The following PPP6R3 variants were observed in gnomAD, a reference collection of about 807,000 sequenced individuals.
PPP6R3 encodes serine/threonine-protein phosphatase 6 regulatory subunit 3.
PPP6R3 carries 38 observed loss-of-function variants against 110.7 expected under a neutral mutation model. That is an observed-to-expected ratio of 0.34 (90% CI 0.26 to 0.45). The LOEUF is 0.45. PPP6R3 is among the 20% of genes least tolerant of loss of function. The pLI, the probability that PPP6R3 is intolerant of heterozygous loss-of-function variation, is 1.00. For missense variants in PPP6R3, 870 were observed against 1,062.4 expected (o/e 0.82, Z 2.52); for synonymous variants, 369 against 373.5 (o/e 0.99, Z 0.14).
intron 9 of PPP6R3, among the ~76,000 whole-genome samples, chr11:68,565,732 C>A (rs2282563): frequency 6.6e-6 from 1 of 151,688 alleles, no homozygotes; most frequent in Non-Finnish European, 1.5e-5. Flanking sequence ...TCTGTTACTC[C>A]GAGAACTGAG....
Position 68,613,625 on chromosome 11 carries a change from TCTAA to T in PPP6R3, c.*511_*514del, listed in dbSNP as rs1294352506. The T allele has an allele frequency of 6.1e-6, 6 of 985,728 alleles. No individual in the cohort carries two copies. The African/African-American group carries it at 1.0e-4, about 17-fold the overall frequency. The allele number at this position is 985,728 out of a possible 1,614,324, so 61.1% of individuals were successfully genotyped here. ...GCCCTCTAAGTGTTATTTTGGTTGT[TCTAA>T]CTTACAAAAGTGATTTTGAATAAGA... On this transcript the variant is annotated 3_prime_UTR_variant, in exon 24 of 24. Transcript: ENST00000393800.
rs928625045 is a variant in PPP6R3, at chr11:68,474,920, A to T, written c.-158+14093A>T. Among the ~76,000 whole-genome samples, 98 of 150,330 alleles carry T rather than the reference A, an allele frequency of 6.5e-4. 1 individual carries two copies. The highest frequency in any genetic ancestry group is 1.2e-3 in the Non-Finnish European group (81 of 67,528). On this transcript the variant is annotated intron_variant, in intron 1 of 23. Coordinates refer to ENST00000393800, the MANE Select transcript of PPP6R3 (RefSeq NM_001164161.2). ...TAACTTCCTTTTTTTTATTTTTTTT[A>T]TTTTTATTTTTTTCATTGATCATTC...
chr11:68,526,289 TC>T (rs942196586), intron 2 of PPP6R3, among the ~76,000 whole-genome samples: 5 of 152,000 alleles, frequency 3.3e-5, no homozygotes, highest in African/African-American at 1.2e-4. Flanking sequence ...AGGGTCTTAC[TC>T]TGTCAGCCAG....
intron 23 of PPP6R3, among the ~76,000 whole-genome samples, chr11:68,611,520 A>G (rs773174507): frequency 3.9e-5 from 6 of 152,332 alleles, no homozygotes; most frequent in Non-Finnish European, 7.3e-5. Flanking sequence ...GGGGTCAGCC[A>G]GTGGAAGAAG....
intron 10 of PPP6R3, 124 bp downstream of exon 10, chr11:68,567,290 T>C: frequency 9.3e-7 from 1 of 1,080,410 alleles, no homozygotes; most frequent in Non-Finnish European, 1.3e-6. Context: ...GCATAAATGG[T>C]GTTTTATGTA....
At chr11:68,577,688 A>G (rs1303896507) in intron 14 of PPP6R3, among the ~76,000 whole-genome samples, 2 of 152,146 alleles carry the variant, frequency 1.3e-5, no homozygotes, top group Non-Finnish European at 2.9e-5. Flanking sequence ...TTGTGTGTAA[A>G]TGTTACTACA....
chr11:68,599,873 C>T (rs2099625566), intron 19 of PPP6R3, among the ~76,000 whole-genome samples: 1 of 151,932 alleles, frequency 6.6e-6, no homozygotes, highest in East Asian at 1.9e-4. Context: ...CCTGTAATCC[C>T]AGCACTTTGG....
In PPP6R3 at chr11:68,569,730, G is replaced by C. The variant is rs746892087; in HGVS notation, c.1129-18G>C. The C allele has an allele frequency of 1.3e-6, 2 of 1,556,424 alleles. No homozygotes were observed. Among genetic ancestry groups the C allele is most frequent in the South Asian group, 1.2e-5 (1 of 83,736 alleles). On this transcript the variant is annotated intron_variant, in intron 10 of 23. Coordinates refer to ENST00000393800, the MANE Select transcript of PPP6R3 (RefSeq NM_001164161.2). Reference sequence around the variant, plus strand: ...ACATTGAGGTAACCGAATAAAACATGGTTTTTCTTTTTTGTAGAACATGTT... The same window carrying C: ...ACATTGAGGTAACCGAATAAAACATCGTTTTTCTTTTTTGTAGAACATGTT...
intron 14 of PPP6R3, among the ~76,000 whole-genome samples, chr11:68,580,746 C>CTTTTTTTTTTTTTTT (rs71043441): frequency 5.9e-5 from 4 of 67,530 alleles, no homozygotes; most frequent in Non-Finnish European, 8.5e-5. Context: ...GGTAAATAAT[C>CTTTTTTTTTTTTTTT]TTTTTTTTTT....
chr11:68,566,612 C>T (rs948879621), intron 9 of PPP6R3, among the ~76,000 whole-genome samples: 10 of 152,260 alleles, frequency 6.6e-5, no homozygotes, highest in Admixed American at 1.3e-4. Flanking sequence ...CCACCCACCT[C>T]GGCCTCTCAA....
chr11:68,564,303 A>T lies in PPP6R3; in HGVS notation c.846A>T (p.Thr282=). 6.2e-7 allele frequency: 1 copy of T among 1,601,872 alleles called. No homozygotes were observed. The highest frequency in any genetic ancestry group is 8.5e-7 in the Non-Finnish European group (1 of 1,174,230). The change falls in exon 9 of 24, where the codon ACA becomes ACT. Residue 282 remains threonine, a splice_region_variant and synonymous_variant. Transcript: ENST00000393800. The stretch of plus-strand genomic sequence containing the variant: ...CTAAAATTCCTTGCTTTGTTTCAAG[A>T]TTTGAAGGCCATATAGAGATCTGCC... ...LLTLLETRRP[T]FEGHIEICPP... is the part of the protein sequence containing the mutation.
chr11:68,487,714 T>G (rs190911413), intron 1 of PPP6R3, among the ~76,000 whole-genome samples: 3 of 152,226 alleles, frequency 2.0e-5, no homozygotes, highest in Admixed American at 2.0e-4. Flanking sequence ...CTTTCTGTTA[T>G]TGATTTCTAG....
chr11:68,580,727 T>C (rs1230607879), intron 14 of PPP6R3, among the ~76,000 whole-genome samples: 2 of 149,976 alleles, frequency 1.3e-5, no homozygotes, highest in East Asian at 3.9e-4. Flanking sequence ...TTAGCAAGTT[T>C]CCCCCATGGG....
At chr11:68,577,682 G>C (rs1360569041) in intron 14 of PPP6R3, among the ~76,000 whole-genome samples, 1 of 152,152 alleles carries the variant, frequency 6.6e-6, no homozygotes, top group Non-Finnish European at 1.5e-5. Context: ...CTGGGATTGT[G>C]TGTAAATGTT....
At chr11:68,510,242 A>G (rs1592263885) in intron 1 of PPP6R3, among the ~76,000 whole-genome samples, 1 of 151,788 alleles carries the variant, frequency 6.6e-6, no homozygotes, top group Non-Finnish European at 1.5e-5. Flanking sequence ...ATCGATACTC[A>G]GGTTAAGTGA....
rs1491222184 is a variant in PPP6R3, at chr11:68,528,443, G to GA, written c.-7+8792_-7+8793insA. 6.4e-4 allele frequency among the ~76,000 whole-genome samples: 87 copies of GA among 136,850 alleles called. 3 individuals are homozygous for GA. The South Asian group carries it at 0.022, about 34-fold the overall frequency. 89.8% of individuals were successfully genotyped at this position (136,850 alleles called of 152,430 possible). ...TTTAATTTGTGTGTGTGGGGGGGGG[G>GA]GCTGCACCTTTATGAAATTGACACT... On this transcript the variant is annotated intron_variant, in intron 2 of 23. Transcript: ENST00000393800.
intron 23 of PPP6R3, 188 bp from the exon 24 acceptor site, chr11:68,612,878 A>G: frequency 1.8e-6 from 2 of 1,139,964 alleles, no homozygotes; most frequent in Non-Finnish European, 2.4e-6. Context: ...GATGAAGCTT[A>G]GATGCACTCA....
chr11:68,508,082 C>T (rs1483760826), intron 1 of PPP6R3, among the ~76,000 whole-genome samples: 1 of 143,678 alleles, frequency 7.0e-6, no homozygotes, highest in Non-Finnish European at 1.5e-5. Flanking sequence ...GAGCAGATTA[C>T]TACTGCTTTT....
chr11:68,584,627 CATGAT>C (rs1404377110), intron 15 of PPP6R3, among the ~76,000 whole-genome samples: 14 of 152,170 alleles, frequency 9.2e-5, no homozygotes, highest in African/African-American at 3.4e-4. Context: ...CTTTATTTCT[CATGAT>C]ATCTGGTTCC....
Sources: allele counts gnomAD v4.1 joint callset (sites outside exome capture counted in the v4.1 genomes callset), GRCh38; gene constraint gnomAD v4.1.1; transcripts MANE v1.5; gene names NCBI Gene and HGNC (gene_info 2026-07-23, HGNC 2026-07-21).